FARP2: variants seen among roughly 807,000 people sequenced by gnomAD.
FARP2 encodes FERM, ARH/RhoGEF and pleckstrin domain protein 2, also known as FERM, ARHGEF and pleckstrin domain-containing protein 2.
In FARP2, 111 loss-of-function variants were observed where a neutral mutation model predicts 130.5. The observed-to-expected ratio is 0.85, with a 90% CI of 0.73 to 1.00. FARP2 has a LOEUF of 1.00. Ranked by LOEUF, FARP2 falls within the 50% of genes least tolerant of loss-of-function variation. The probability of loss-of-function intolerance (pLI) is 0.00; values close to 1 mark genes in which losing one functional copy is unlikely to be tolerated. For synonymous variants in FARP2, 504 were observed against 516.9 expected, an observed-to-expected ratio of 0.98 and a Z score of 0.34; for missense variants, 1,385 against 1,346.3, an observed-to-expected ratio of 1.03 and a Z score of -0.45.
intron 1 of FARP2, among the ~76,000 whole-genome samples, chr2:241,369,638 AAATGAG>A (rs2061382908): frequency 6.6e-6 from 1 of 152,156 alleles, no homozygotes; most frequent in Admixed American, 6.5e-5. Context: ...AAGAAAACAT[AAATGAG>A]AATTATACAG....
At chr2:241,476,544 C>T (rs2064470469) in intron 19 of FARP2, among the ~76,000 whole-genome samples, 1 of 152,110 alleles carries the variant, frequency 6.6e-6, no homozygotes, top group Non-Finnish European at 1.5e-5. Flanking sequence ...AAAAAATTAG[C>T]AGGGCATGGT....
At position 241,434,322 on chromosome 2, in the gene FARP2, G is replaced by C. The variant is rs772073534; in HGVS notation, c.1031+1G>C. On this transcript the variant is annotated splice_donor_variant, in intron 10 of 26. Coordinates refer to ENST00000264042, the MANE Select transcript of FARP2 (RefSeq NM_014808.4). LOFTEE classifies it high-confidence loss of function. ...GCCGGGGCTCCTCCTTCAGATACAG[G>C]TAGGGGCCATGCCGTGGCTTGCATG... is the stretch of plus-strand genomic sequence containing the variant. 1 of 1,604,264 alleles carries C rather than the reference G, an allele frequency of 6.2e-7. No individual in the cohort carries two copies.
intron 7 of FARP2, among the ~76,000 whole-genome samples, chr2:241,417,726 A>G (rs1163417114): frequency 6.6e-6 from 1 of 152,202 alleles, no homozygotes; most frequent in Admixed American, 6.5e-5. Flanking sequence ...AGTGTATGCA[A>G]AGAAAGTGTT....
intron 13 of FARP2, chr2:241,445,975 C>T (rs1307608708): frequency 6.6e-6 from 1 of 152,206 alleles, no homozygotes; most frequent in Non-Finnish European, 1.5e-5. Flanking sequence ...CACCAGCAGA[C>T]AGTGCCTGTT....
intron 23 of FARP2, 38 bp downstream of exon 23, chr2:241,491,217 A>C: frequency 7.0e-7 from 1 of 1,433,528 alleles, no homozygotes; most frequent in Non-Finnish European, 9.8e-7. Flanking sequence ...GACCTCCACT[A>C]CACCTAAGGA....
chr2:241,429,431 G>A (rs1279983852), intron 8 of FARP2, among the ~76,000 whole-genome samples: 1 of 152,192 alleles, frequency 6.6e-6, no homozygotes, highest in Non-Finnish European at 1.5e-5. Context: ...GGATTGTGCA[G>A]TGCTTCCCCA....
In FARP2 at chr2:241,368,419, C is replaced by G. The variant is rs535474157; in HGVS notation, c.-24-4665C>G. On this transcript the variant is annotated intron_variant, in intron 1 of 26. Transcript: ENST00000264042. ...ACCACAGAACATGGTGCGCCAAGGACTGTTCATGGCCTTGCCGTGTTCCTA... is the reference window on the plus strand; with the variant it reads ...ACCACAGAACATGGTGCGCCAAGGAGTGTTCATGGCCTTGCCGTGTTCCTA... 3.9e-5 allele frequency among the ~76,000 whole-genome samples: 6 copies of G among 152,266 alleles called. No individual in the cohort carries two copies. In the East Asian group the frequency reaches 1.2e-3, roughly 29 times the overall value.
chr2:241,394,362 C>CA (rs1005958947), intron 2 of FARP2, among the ~76,000 whole-genome samples: 3 of 151,610 alleles, frequency 2.0e-5, no homozygotes, highest in Admixed American at 6.6e-5. Context: ...ACTAAAAATA[C>CA]AAAAAAATAG....
At chr2:241,417,146 A>G (rs567331573) in intron 7 of FARP2, among the ~76,000 whole-genome samples, 4 of 151,822 alleles carry the variant, frequency 2.6e-5, no homozygotes, top group African/African-American at 9.7e-5. Flanking sequence ...CTAAAAATAC[A>G]AAAAGCTGGG....
At chr2:241,414,467 A>C (rs1353090718) in intron 7 of FARP2, among the ~76,000 whole-genome samples, 1 of 152,206 alleles carries the variant, frequency 6.6e-6, no homozygotes, top group Admixed American at 6.5e-5. Flanking sequence ...TTAAGGCTCT[A>C]CCGGGACCTG....
At position 241,484,276 on chromosome 2, in the gene FARP2, T is replaced by C. The variant is rs763271136; in HGVS notation, c.2366T>C (p.Val789Ala). Residue 789 changes from valine (V) to alanine (A), a missense_variant, in exon 21 of 27, where the codon GTT becomes GCT. Coordinates refer to ENST00000264042, the MANE Select transcript of FARP2 (RefSeq NM_014808.4). Reference protein sequence around the residue: ...SDMLLYTSKGVAGTSHFRIRG... With the variant: ...SDMLLYTSKGAAGTSHFRIRG... ...ATGTTGCTGTACACAAGCAAAGGAG[T>C]TGCAGGGACCAGCCACTTCCGGATC... 1.2e-5 allele frequency: 19 copies of C among 1,613,916 alleles called. No individual in the cohort carries two copies.
At chr2:241,457,654 C>T (rs12618956) in intron 14 of FARP2, among the ~76,000 whole-genome samples, 2,110 of 59,354 alleles carry the variant, frequency 0.036, 53 homozygotes, top group East Asian at 0.04. Context: ...CGGAGAGGCT[C>T]TTGGGCGGGA....
chr2:241,420,646 C>A (rs2062782560), intron 8 of FARP2, among the ~76,000 whole-genome samples: 1 of 152,224 alleles, frequency 6.6e-6, no homozygotes, highest in Non-Finnish European at 1.5e-5. Context: ...TCCATCCCCA[C>A]CCCATGTCTC....
chr2:241,441,221 A>C, intron 12 of FARP2, 83 bp from the exon 13 acceptor site: 1 of 1,336,316 alleles, frequency 7.5e-7, no homozygotes, highest in Non-Finnish European at 1.0e-6. Context: ...GGATGCCCTA[A>C]GTTAGGCCAG....
Position 241,494,200 on chromosome 2 carries a change from CT to C in FARP2, c.*76del. 1.1e-6 allele frequency: 1 copy of C among 890,706 alleles called. No individual in the cohort carries two copies. Among genetic ancestry groups the C allele is most frequent in the Non-Finnish European group, 1.6e-6 (1 of 612,880 alleles). The allele number at this position is 890,706 out of a possible 1,614,324, so 55.2% of individuals were successfully genotyped here. ...AGAGGTGACCTCTGTCCTGAGGCTTCTCAACAGATGGGAAGTGGCTGTGGTC... is the reference window on the plus strand; with the variant it reads ...AGAGGTGACCTCTGTCCTGAGGCTTCCAACAGATGGGAAGTGGCTGTGGTC... On this transcript the variant is annotated 3_prime_UTR_variant, in exon 27 of 27. Coordinates refer to ENST00000264042, the MANE Select transcript of FARP2 (RefSeq NM_014808.4). This position sits in a 1 kb window ranked among gnomAD's most constrained non-coding sequence, Gnocchi z 4.9.
At chr2:241,411,547 A>C (rs932833778) in intron 6 of FARP2, among the ~76,000 whole-genome samples, 4 of 152,256 alleles carry the variant, frequency 2.6e-5, no homozygotes, top group Non-Finnish European at 5.9e-5. Flanking sequence ...AAAAGAAGAC[A>C]TTTCTTCAGT....
intron 21 of FARP2, chr2:241,488,159 T>C (rs982069555): frequency 5.5e-5 from 8 of 144,752 alleles, no homozygotes; most frequent in African/African-American, 2.0e-4. Context: ...AATACCAAAC[T>C]GGAAGTGAAA....
chr2:241,493,970 A>T, intron 26 of FARP2, 38 bp from the exon 27 acceptor site: 1 of 1,249,044 alleles, frequency 8.0e-7, no homozygotes, highest in Non-Finnish European at 1.1e-6. Context: ...TCTGAGCACA[A>T]GATGGCTCAC....
At chr2:241,487,779 G>A (rs1487872877) in intron 21 of FARP2, among the ~76,000 whole-genome samples, 1 of 76,620 alleles carries the variant, frequency 1.3e-5, no homozygotes, top group African/African-American at 5.3e-5. Flanking sequence ...AGATGGAATC[G>A]CTCTGTCGCC....
Sources: allele counts gnomAD v4.1 joint callset (sites outside exome capture counted in the v4.1 genomes callset), GRCh38; gene constraint gnomAD v4.1.1; non-coding constraint Gnocchi (gnomAD v3.1); transcripts MANE v1.5; gene names NCBI Gene and HGNC (gene_info 2026-07-23, HGNC 2026-07-21).